UGGT1: variants seen among roughly 807,000 people sequenced by gnomAD.
UGGT1 encodes UDP-glucose glycoprotein glucosyltransferase 1.
A neutral mutation model predicts 203.9 loss-of-function variants in UGGT1; 107 were observed. The ratio of observed to expected loss-of-function variants is 0.52; its 90% CI spans 0.45 to 0.62. The LOEUF (loss-of-function observed/expected upper bound fraction) is 0.62, where lower values mean the gene tolerates loss of function less well. UGGT1 is among the 20% of genes least tolerant of loss of function. The probability of loss-of-function intolerance (pLI) is 0.00; values close to 1 mark genes in which losing one functional copy is unlikely to be tolerated. For synonymous variants in UGGT1, 628 were observed against 653.5 expected (o/e 0.96, Z 0.59); for missense variants, 1,673 against 1,867.2 (o/e 0.90, Z 1.92).
At position 128,159,593 on chromosome 2, in the gene UGGT1, G is replaced by A. The variant is rs778426054; in HGVS notation, c.2435G>A (p.Arg812Lys). 2.5e-6 allele frequency: 4 copies of A among 1,614,026 alleles called. No homozygotes were observed. The highest frequency in any genetic ancestry group is 2.5e-6 in the Non-Finnish European group (3 of 1,180,022). The change falls in exon 23 of 41, where the codon AGA becomes AAA. Residue 812 changes from arginine (R) to lysine (K), a missense_variant. By Grantham distance (26) the Arg-to-Lys change is conservative (BLOSUM62 2). This residue lies in a region of UGGT1 where 1,073 missense variants were observed against 1,078.7 expected (regional missense o/e 0.99). Coordinates refer to ENST00000259253, the MANE Select transcript of UGGT1 (RefSeq NM_020120.4). ...AGCTATGAGAACACTCAGATCTCCA[G>A]AGCAATCTGGGCAGCTCTCCAAACT... ...EISYENTQIS[R>K]AIWAALQTQT...
intron 18 of UGGT1, among the ~76,000 whole-genome samples, chr2:128,148,734 T>G (rs1229885970): frequency 1.3e-5 from 2 of 152,198 alleles, no homozygotes; most frequent in South Asian, 4.1e-4. Context: ...CAAAGTCCCT[T>G]ATGGACATCC....
At position 128,134,544 on chromosome 2, in the gene UGGT1, T is replaced by C. The variant is rs1689039457; in HGVS notation, c.1498-332T>C. On this transcript the variant is annotated intron_variant, in intron 14 of 40. Coordinates refer to ENST00000259253, the MANE Select transcript of UGGT1 (RefSeq NM_020120.4). ...TTCTTAATTCAGAGATCCTCAGAAA[T>C]GAATATACAAAAAGGCAGGCTCCAT... 2.0e-5 allele frequency among the ~76,000 whole-genome samples: 3 copies of C among 152,216 alleles called. No homozygotes were observed. The South Asian group carries it at 6.2e-4, about 32-fold the overall frequency.
chr2:128,093,301 T>G (rs1479764957), intron 1 of UGGT1, among the ~76,000 whole-genome samples: 4 of 152,178 alleles, frequency 2.6e-5, no homozygotes, highest in Non-Finnish European at 5.9e-5. Flanking sequence ...TTATAGCATC[T>G]TCACTCTTGG....
In UGGT1 at chr2:128,174,874, G is replaced by T; in HGVS notation, c.3539+16G>T. 1.3e-6 allele frequency: 2 copies of T among 1,599,730 alleles called. No homozygotes were observed. Among genetic ancestry groups the T allele is most frequent in the South Asian group, 2.2e-5 (2 of 89,312 alleles). On this transcript the variant is annotated intron_variant, in intron 31 of 40. Transcript: ENST00000259253. ...GAATTTACAGGTAGGAGTAAGTGAT[G>T]CAGTTACATTATCCCAGAACTTTTA...
chr2:128,133,928 T>C (rs568710411), intron 14 of UGGT1, among the ~76,000 whole-genome samples: 9 of 152,198 alleles, frequency 5.9e-5, no homozygotes, highest in Non-Finnish European at 1.2e-4. Flanking sequence ...TTCTTTCCCT[T>C]CCCTCACACA....
intron 28 of UGGT1, 98 bp downstream of exon 28, chr2:128,171,382 T>C: frequency 1.8e-6 from 2 of 1,140,826 alleles, no homozygotes; most frequent in Non-Finnish European, 2.5e-6. Flanking sequence ...TAGGTGGACA[T>C]CATGTTTGAA....
intron 29 of UGGT1, among the ~76,000 whole-genome samples, chr2:128,173,188 A>C (rs1300974954): frequency 1.3e-5 from 2 of 152,240 alleles, no homozygotes; most frequent in East Asian, 3.8e-4. Context: ...AGATCCATCC[A>C]TGCTGTAGTA....
chr2:128,116,727 G>A (rs1300297441), intron 8 of UGGT1, among the ~76,000 whole-genome samples: 2 of 152,020 alleles, frequency 1.3e-5, no homozygotes, highest in Non-Finnish European at 2.9e-5. Context: ...GTTTCGCCAC[G>A]TTGGCTAGGC....
intron 21 of UGGT1, 124 bp downstream of exon 21, chr2:128,156,539 T>A: frequency 1.5e-6 from 1 of 666,018 alleles, no homozygotes. Context: ...AACAGGAAGC[T>A]ATATCAATGT....
Position 128,109,670 on chromosome 2 carries a change from T to G in UGGT1, c.445T>G (p.Ser149Ala). The change falls in exon 5 of 41, where the codon TCG becomes GCG. Residue 149 changes from serine to alanine, a missense_variant. Ser to Ala is a moderately conservative substitution (Grantham distance 99). Around this residue, in one of 4 missense-constraint regions of UGGT1, gnomAD observed 1,073 missense variants for 1,078.7 expected, o/e 0.99. Transcript: ENST00000259253. ...ADEPPPEGCN[S>A]FFSVHGKKTC... is the part of the protein sequence containing the mutation. The stretch of plus-strand genomic sequence containing the variant: ...TGAACCTCCACCAGAAGGATGTAAT[T>G]CGTTTTTTTCAGTGCATGGAAAGAA... 1 of 1,614,184 alleles carries G rather than the reference T, an allele frequency of 6.2e-7. No homozygotes were observed. Among genetic ancestry groups the G allele is most frequent in the Admixed American group, 1.7e-5 (1 of 60,024 alleles).
intron 3 of UGGT1, among the ~76,000 whole-genome samples, chr2:128,105,860 C>T (rs1687583782): frequency 7.2e-6 from 1 of 138,300 alleles, no homozygotes. Context: ...GGCTGGAGTG[C>T]AGTGGTGTAG....
At chr2:128,142,000 T>C (rs1169499748) in intron 16 of UGGT1, among the ~76,000 whole-genome samples, 1 of 151,876 alleles carries the variant, frequency 6.6e-6, no homozygotes, top group African/African-American at 2.4e-5. Flanking sequence ...AGAGTGCAGT[T>C]GTGTGATCTT....
At position 128,145,921 on chromosome 2, in the gene UGGT1, A is replaced by G. The variant is rs1689667541; in HGVS notation, c.1970A>G (p.His657Arg). 6.2e-6 allele frequency: 10 copies of G among 1,614,178 alleles called. No individual in the cohort carries two copies. Among genetic ancestry groups the G allele is most frequent in the Non-Finnish European group, 8.5e-6 (10 of 1,180,016 alleles). Residue 657 changes from histidine to arginine, a missense_variant, in exon 18 of 41, where the codon CAT (histidine) becomes CGT (arginine). Transcript: ENST00000259253. ...DPDELETITM[H>R]KILETTTFFQ... is the part of the protein sequence containing the mutation. ...GATGAGTTAGAAACCATCACAATGC[A>G]TAAAATCCTGGAGACCACCACCTTC...
At chr2:128,174,744 A>C (rs1301309141) in intron 30 of UGGT1, 29 bp from the exon 31 acceptor site, 4 of 1,576,584 alleles carry the variant, frequency 2.5e-6, no homozygotes, top group Non-Finnish European at 2.6e-6. Flanking sequence ...TTTTGAAGAG[A>C]GCTAACTGGA....
intron 11 of UGGT1, among the ~76,000 whole-genome samples, chr2:128,124,084 C>T (rs1244038075): frequency 2.6e-5 from 4 of 152,020 alleles, no homozygotes; most frequent in Non-Finnish European, 2.9e-5. Flanking sequence ...TAGCTGGGAC[C>T]ACAGGCGCCT....
chr2:128,099,921 C>G (rs567558147), intron 2 of UGGT1, among the ~76,000 whole-genome samples: 4 of 152,024 alleles, frequency 2.6e-5, no homozygotes, highest in African/African-American at 4.8e-5. Context: ...GCTGGACTGC[C>G]TGAGCTGGAC....
chr2:128,103,297 A>G (rs1468590878), intron 2 of UGGT1, among the ~76,000 whole-genome samples: 1 of 152,214 alleles, frequency 6.6e-6, no homozygotes, highest in Non-Finnish European at 1.5e-5. Context: ...CTCTTGAATG[A>G]AGGGAAATTT....
chr2:128,164,198 C>T (rs1239313996), intron 25 of UGGT1, among the ~76,000 whole-genome samples: 1 of 152,056 alleles, frequency 6.6e-6, no homozygotes. Flanking sequence ...TGAAATATCA[C>T]TGTATTTATT....
chr2:128,154,295 C>T (rs1425542477), intron 19 of UGGT1, among the ~76,000 whole-genome samples: 2 of 152,144 alleles, frequency 1.3e-5, no homozygotes, highest in Non-Finnish European at 2.9e-5. Flanking sequence ...GAAGGGTTGT[C>T]TCTGGAATAC....
Sources: gnomAD v4.1 joint callset for allele counts (sites outside exome capture counted in the v4.1 genomes callset) on GRCh38, gnomAD v4.1.1 for gene constraint, gnomAD v4.1.1 regional missense constraint, MANE v1.5 for transcripts, NCBI Gene and HGNC (gene_info 2026-07-23, HGNC 2026-07-21) for gene names.